Variants in CLASP2 observed in about 807,000 individuals in gnomAD.
CLASP2 encodes the protein CLIP-associating protein 2.
Under a neutral mutation model 194.4 loss-of-function variants are expected in CLASP2, and 47 were observed. The observed-to-expected ratio is 0.24, with a 90% confidence interval of 0.19 to 0.31. The LOEUF is 0.31. CLASP2 is among the 10% of genes least tolerant of loss of function. The pLI is 1.00. For missense variants in CLASP2, 1,445 were observed against 1,823.6 expected, an observed-to-expected ratio of 0.79 and a Z score of 3.78; for synonymous variants, 619 against 633.5, an observed-to-expected ratio of 0.98 and a Z score of 0.34.
chr3:33,622,313 A>T, intron 10 of CLASP2, 33 bp from the exon 11 acceptor site: 2 of 1,421,858 alleles, frequency 1.4e-6, no homozygotes, highest in South Asian at 3.5e-5. Context: ...TTGACAAAAA[A>T]GGTGGAAGTG....
At chr3:33,525,284 T>A (rs2054218177) in intron 34 of CLASP2, among the ~76,000 whole-genome samples, 2 of 152,028 alleles carry the variant, frequency 1.3e-5, no homozygotes, top group Admixed American at 6.6e-5. Flanking sequence ...TTTATAGCTA[T>A]AAATGTGTTA....
Position 33,535,221 on chromosome 3 carries a change from C to A in CLASP2, c.3787+12G>T, listed in dbSNP as rs771593236. The A allele has an allele frequency of 1.9e-6, 3 of 1,593,800 alleles. No individual in the cohort carries two copies. The African/African-American group carries it at 4.0e-5, about 21-fold the overall frequency. On this transcript the variant is annotated intron_variant, in intron 34 of 38. Transcript: ENST00000682230. Reference sequence around the variant, plus strand: ...TCCAAAACAGACAGTAGCAGTGTGACCCAGAACATACCGTCAGGAAACTGG... The same window carrying A: ...TCCAAAACAGACAGTAGCAGTGTGAACCAGAACATACCGTCAGGAAACTGG...
intron 7 of CLASP2, among the ~76,000 whole-genome samples, chr3:33,645,771 A>G (rs2082163726): frequency 6.6e-6 from 1 of 152,208 alleles, no homozygotes; most frequent in Non-Finnish European, 1.5e-5. Flanking sequence ...ATTACTGTGC[A>G]TAATTAACTC....
intron 7 of CLASP2, among the ~76,000 whole-genome samples, chr3:33,645,674 T>C (rs1025780469): frequency 6.6e-6 from 1 of 152,218 alleles, no homozygotes; most frequent in Non-Finnish European, 1.5e-5. Context: ...CATGAAAATT[T>C]ATATAAATAG....
chr3:33,565,214 T>TGTG (rs2062481484), intron 27 of CLASP2, among the ~76,000 whole-genome samples: 2 of 152,276 alleles, frequency 1.3e-5, no homozygotes, highest in Non-Finnish European at 2.9e-5. Flanking sequence ...GAGTCTCACC[T>TGTG]ATCACCCAGG....
At chr3:33,628,314 C>T (rs552401634) in intron 9 of CLASP2, among the ~76,000 whole-genome samples, 1 of 152,214 alleles carries the variant, frequency 6.6e-6, no homozygotes, top group East Asian at 1.9e-4. Context: ...TCACAATACC[C>T]CTCTGCCGTT....
At chr3:33,660,294 T>C (rs564464280) in intron 7 of CLASP2, among the ~76,000 whole-genome samples, 4 of 152,162 alleles carry the variant, frequency 2.6e-5, no homozygotes, top group African/African-American at 9.7e-5. Flanking sequence ...GTTCCCTCCT[T>C]CTAGTCACGA....
At chr3:33,569,333 G>A (rs987481882) in intron 26 of CLASP2, among the ~76,000 whole-genome samples, 1 of 152,170 alleles carries the variant, frequency 6.6e-6, no homozygotes, top group Non-Finnish European at 1.5e-5. Flanking sequence ...CAAAAACTGT[G>A]ACTTCAAGAA....
chr3:33,509,223 A>G (rs996333518), intron 37 of CLASP2, among the ~76,000 whole-genome samples: 3 of 152,156 alleles, frequency 2.0e-5, no homozygotes, highest in South Asian at 2.1e-4. Flanking sequence ...TATCTATCTG[A>G]TATGTGTATT....
At chr3:33,513,034 A>G (rs2050368784) in intron 36 of CLASP2, among the ~76,000 whole-genome samples, 1 of 152,052 alleles carries the variant, frequency 6.6e-6, no homozygotes. Flanking sequence ...AAACAAGAAA[A>G]TACACTGGAC....
At chr3:33,571,634 CA>C (rs749024624) in intron 25 of CLASP2, among the ~76,000 whole-genome samples, 97 of 122,862 alleles carry the variant, frequency 7.9e-4, no homozygotes, top group Middle Eastern at 3.9e-3. Context: ...GACTCTGTCT[CA>C]AAAAAAAAAA....
chr3:33,628,686 A>G (rs905447615), intron 9 of CLASP2, among the ~76,000 whole-genome samples: 2 of 152,104 alleles, frequency 1.3e-5, no homozygotes, highest in African/African-American at 4.8e-5. Flanking sequence ...CAGTGGATAA[A>G]TCATTTCGGA....
chr3:33,645,977 A>G (rs1017195552), intron 7 of CLASP2, among the ~76,000 whole-genome samples: 2 of 133,142 alleles, frequency 1.5e-5, no homozygotes, highest in African/African-American at 5.6e-5. Flanking sequence ...CACACACACA[A>G]TGTATTTTAC....
intron 32 of CLASP2, among the ~76,000 whole-genome samples, chr3:33,542,400 A>G (rs2058505359): frequency 1.3e-5 from 2 of 148,656 alleles, no homozygotes; most frequent in Admixed American, 6.7e-5. Context: ...TTCATTACAT[A>G]TATAATGAAA....
chr3:33,717,473 C>T (rs1213291830), intron 1 of CLASP2, among the ~76,000 whole-genome samples: 1 of 152,106 alleles, frequency 6.6e-6, no homozygotes, highest in East Asian at 1.9e-4. Context: ...GTCGCCCAGG[C>T]TGGAGTGCAG....
At chr3:33,602,927 A>T in intron 18 of CLASP2, 25 bp downstream of exon 18, 1 of 1,594,946 alleles carries the variant, frequency 6.3e-7, no homozygotes, top group Non-Finnish European at 8.6e-7. Flanking sequence ...AACATGGTAC[A>T]ATTTTCCATA....
At chr3:33,707,296 A>G (rs1235394829) in intron 1 of CLASP2, among the ~76,000 whole-genome samples, 1 of 152,236 alleles carries the variant, frequency 6.6e-6, no homozygotes, top group Non-Finnish European at 1.5e-5. Context: ...ATATGAGTTC[A>G]TAATTATATG....
At chr3:33,712,280 A>G (rs965525420) in intron 1 of CLASP2, among the ~76,000 whole-genome samples, 1 of 152,208 alleles carries the variant, frequency 6.6e-6, no homozygotes, top group African/African-American at 2.4e-5. Context: ...GTATGTTCTC[A>G]CTTATAAGTT....
intron 9 of CLASP2, among the ~76,000 whole-genome samples, chr3:33,630,591 A>G (rs1321349227): frequency 1.3e-5 from 2 of 152,194 alleles, no homozygotes; most frequent in African/African-American, 2.4e-5. Context: ...CAAGGCAAGA[A>G]CATTGAACGG....
Sources: allele counts gnomAD v4.1 joint callset (sites outside exome capture counted in the v4.1 genomes callset), GRCh38; gene constraint gnomAD v4.1.1; transcripts MANE v1.5; gene names NCBI Gene and HGNC (gene_info 2026-07-23, HGNC 2026-07-21).